CAPN8: variants seen among roughly 807,000 people sequenced by gnomAD.
The protein encoded by CAPN8 is calpain-8.
A neutral mutation model predicts 80.9 loss-of-function variants in CAPN8; 87 were observed. The observed-to-expected ratio is 1.07, with a 90% CI of 0.90 to 1.28. The LOEUF (loss-of-function observed/expected upper bound fraction) is 1.28, where lower values mean the gene tolerates loss of function less well. Ranked by LOEUF, CAPN8 falls within the 50% of genes most tolerant of loss-of-function variation. The pLI, the probability that CAPN8 is intolerant of heterozygous loss-of-function variation, is 0.00. For missense variants in CAPN8, 757 were observed against 702.0 expected (o/e 1.08, Z -0.89); for synonymous variants, 299 against 273.8 (o/e 1.09, Z -0.91).
At chr1:223,551,053 C>A in intron 14 of CAPN8, 36 bp from the exon 15 acceptor site, 1 of 715,954 alleles carries the variant, frequency 1.4e-6, no homozygotes, top group South Asian at 1.5e-5. Flanking sequence ...TCATGTCAGG[C>A]CCTGACAAGT....
In CAPN8 at chr1:223,640,348, C is replaced by A. The variant is rs548935047; in HGVS notation, c.308-11568G>T. ...TAACCCAAACACCAGGGAACCCAAA[C>A]AAGTGAATCAACAAATGTTTATTGA... On this transcript the variant is annotated intron_variant, in intron 2 of 20. Coordinates refer to ENST00000366872, the MANE Select transcript of CAPN8 (RefSeq NM_001143962.2). Among the ~76,000 whole-genome samples the A allele has an allele frequency of 2.6e-5, 4 of 152,326 alleles. No homozygotes were observed. In the South Asian group the frequency reaches 6.2e-4, roughly 24 times the overall value.
intron 2 of CAPN8, among the ~76,000 whole-genome samples, chr1:223,639,790 A>T (rs1013835093): frequency 6.6e-6 from 1 of 152,252 alleles, no homozygotes; most frequent in African/African-American, 2.4e-5. Context: ...TGCTTTGCAC[A>T]AGACAAAGTG....
At position 223,541,763 on chromosome 1, in the gene CAPN8, C is replaced by A. The variant is rs373277913; in HGVS notation, c.*73G>T. ...AATGCCACTGGAGCATAAATGTTCA[C>A]AAAATTGTAGAGAAGGGGTGACAAG... On this transcript the variant is annotated 3_prime_UTR_variant, in exon 21 of 21. Transcript: ENST00000366872. The A allele has an allele frequency of 1.3e-6, 2 of 1,550,678 alleles. No homozygotes were observed. Among genetic ancestry groups the A allele is most frequent in the African/African-American group, 2.7e-5 (2 of 73,118 alleles).
chr1:223,620,258 T>G lies in CAPN8; in HGVS notation c.908A>C (p.Glu303Ala). The G allele has an allele frequency of 6.4e-7, 1 of 1,551,622 alleles. No homozygotes were observed. Among genetic ancestry groups the G allele is most frequent in the Non-Finnish European group, 8.7e-7 (1 of 1,146,948 alleles). Residue 303 changes from glutamate (E) to alanine (A), a missense_variant, in exon 8 of 21, where the codon GAG (glutamate) becomes GCG (alanine). Coordinates refer to ENST00000366872, the MANE Select transcript of CAPN8 (RefSeq NM_001143962.2). ...CCGCCGGGGGTCTATGTGATTCCAC[T>G]CTGGTGCACTGAGGGGAAAACAAGC... ...WSGAWSDDAP[E>A]WNHIDPRRKE...
chr1:223,635,454 C>T (rs1657891975), intron 2 of CAPN8, among the ~76,000 whole-genome samples: 1 of 152,202 alleles, frequency 6.6e-6, no homozygotes, highest in Admixed American at 6.5e-5. Context: ...ACTCTATTTG[C>T]TTTGTTGACA....
Position 223,622,800 on chromosome 1 carries a change from G to A in CAPN8, c.899+15C>T, listed in dbSNP as rs1657442506. ...GAGGGAGAGATGACTGGAGAAGCGG[G>A]GGAAAAAAACCTACTCATCGCTCCA... On this transcript the variant is annotated intron_variant, in intron 7 of 20. Transcript: ENST00000366872. The A allele has an allele frequency of 3.2e-6, 5 of 1,548,496 alleles. No homozygotes were observed. Among genetic ancestry groups the A allele is most frequent in the Non-Finnish European group, 4.4e-6 (5 of 1,144,092 alleles).
intron 8 of CAPN8, among the ~76,000 whole-genome samples, chr1:223,619,883 A>G (rs1413097755): frequency 2.6e-5 from 4 of 152,178 alleles, no homozygotes; most frequent in Admixed American, 2.0e-4. Flanking sequence ...AAGTTCTCCC[A>G]TATTGATGGT....
At chr1:223,547,118 T>C (rs1350288372) in intron 16 of CAPN8, among the ~76,000 whole-genome samples, 1 of 152,168 alleles carries the variant, frequency 6.6e-6, no homozygotes, top group East Asian at 1.9e-4. Context: ...TTCACTGTGT[T>C]CCAGACTGGT....
At chr1:223,545,818 C>G (rs911393100) in intron 16 of CAPN8, among the ~76,000 whole-genome samples, 1 of 133,094 alleles carries the variant, frequency 7.5e-6, no homozygotes, top group Non-Finnish European at 1.6e-5. Context: ...ATTCACTCCA[C>G]AACTTTTTTT....
At chr1:223,557,256 A>C in intron 13 of CAPN8, among the ~76,000 whole-genome samples, 1 of 8,274 alleles carries the variant, frequency 1.2e-4, no homozygotes, top group Non-Finnish European at 3.1e-4. Context: ...ATCACAGAAT[A>C]TGTGATTTGT....
intron 9 of CAPN8, chr1:223,618,075 G>A: frequency 1.5e-6 from 1 of 685,146 alleles, no homozygotes; most frequent in African/African-American, 1.8e-5. Context: ...TCTGTCATGA[G>A]AAGAAAGTGA....
intron 12 of CAPN8, among the ~76,000 whole-genome samples, 189 bp from the exon 13 acceptor site, chr1:223,558,356 C>A (rs1322639442): frequency 1.3e-5 from 2 of 152,198 alleles, no homozygotes; most frequent in African/African-American, 4.8e-5. Context: ...TCAACCTCCA[C>A]CCCACCCTGA....
intron 1 of CAPN8, among the ~76,000 whole-genome samples, chr1:223,664,973 G>T (rs551013711): frequency 6.6e-6 from 1 of 152,068 alleles, no homozygotes; most frequent in African/African-American, 2.4e-5. Context: ...TGATGGGGGG[G>T]CCAGATGCAG....
At chr1:223,631,305 T>A (rs1016373828) in intron 2 of CAPN8, among the ~76,000 whole-genome samples, 3 of 152,138 alleles carry the variant, frequency 2.0e-5, no homozygotes, top group African/African-American at 7.2e-5. Context: ...CTTGCAGAGT[T>A]ATCACAAGCT....
intron 2 of CAPN8, among the ~76,000 whole-genome samples, chr1:223,638,188 G>C (rs1010589951): frequency 6.6e-6 from 1 of 152,136 alleles, no homozygotes; most frequent in Non-Finnish European, 1.5e-5. Context: ...CATTTACACT[G>C]TATTAAGTAT....
At position 223,656,676 on chromosome 1, in the gene CAPN8, G is replaced by GTTTTT. The variant is rs201821198; in HGVS notation, c.238-2278_238-2277insAAAAA. ...ACATACACACGTTTTGGGTTTTTTTGTTTTGTTTTTTTTTTTTTTTTTTTT... is the reference window on the plus strand; with the variant it reads ...ACATACACACGTTTTGGGTTTTTTTGTTTTTTTTTGTTTTTTTTTTTTTTTTTTTT... On this transcript the variant is annotated intron_variant, in intron 1 of 20. Transcript: ENST00000366872. 9.5e-4 allele frequency among the ~76,000 whole-genome samples: 84 copies of GTTTTT among 88,352 alleles called. 3 individuals carry two copies. Among genetic ancestry groups the GTTTTT allele is most frequent in the African/African-American group, 1.7e-3 (44 of 25,358 alleles). The allele number at this position is 88,352 out of a possible 152,430, so 58.0% of individuals were successfully genotyped here.
At chr1:223,632,826 A>T (rs765318496) in intron 2 of CAPN8, among the ~76,000 whole-genome samples, 6 of 152,210 alleles carry the variant, frequency 3.9e-5, no homozygotes, top group Non-Finnish European at 8.8e-5. Context: ...GTGCTCACTC[A>T]TGCGCTTTAA....
At chr1:223,619,564 G>A in intron 8 of CAPN8, 111 bp from the exon 9 acceptor site, 1 of 1,124,964 alleles carries the variant, frequency 8.9e-7, no homozygotes, top group African/African-American at 1.6e-5. Flanking sequence ...GAGGCCGTGG[G>A]CTAGCTTGAT....
At chr1:223,623,014 A>T in intron 6 of CAPN8, 114 bp from the exon 7 acceptor site, 1 of 775,592 alleles carries the variant, frequency 1.3e-6, no homozygotes, top group Non-Finnish European at 2.1e-6. Flanking sequence ...CTAAAGGACC[A>T]CACTTTTATT....
Sources: allele counts gnomAD v4.1 joint callset (sites outside exome capture counted in the v4.1 genomes callset), GRCh38; gene constraint gnomAD v4.1.1; transcripts MANE v1.5; gene names NCBI Gene and HGNC (gene_info 2026-07-23, HGNC 2026-07-21).